COA1: variants seen among roughly 807,000 people sequenced by gnomAD.
The protein encoded by COA1 is cytochrome c oxidase assembly factor 1, also known as cytochrome c oxidase assembly factor 1 homolog.
COA1 carries 13 observed loss-of-function variants against 16.0 expected under a neutral mutation model. The ratio of observed to expected loss-of-function variants is 0.81; its 90% confidence interval spans 0.53 to 1.29. COA1 has a LOEUF of 1.29. Ranked by LOEUF, COA1 falls within the 50% of genes most tolerant of loss-of-function variation. The probability of loss-of-function intolerance (pLI) is 0.00; values close to 1 mark genes in which losing one functional copy is unlikely to be tolerated. For missense variants in COA1, 179 were observed against 177.0 expected (o/e 1.01, Z -0.06); for synonymous variants, 65 against 65.7 (o/e 0.99, Z 0.05).
At chr7:43,717,700 G>T (rs983064245) in intron 1 of COA1, among the ~76,000 whole-genome samples, 2 of 152,020 alleles carry the variant, frequency 1.3e-5, no homozygotes, top group African/African-American at 4.8e-5. Flanking sequence ...GGCCGGGGGG[G>T]GAACAATATG....
chr7:43,623,430 T>C, intron 6 of COA1: 1 of 666,378 alleles, frequency 1.5e-6, no homozygotes, highest in Non-Finnish European at 2.6e-6. Flanking sequence ...TATTAATTCA[T>C]ATTAATTTAT....
intron 1 of COA1, among the ~76,000 whole-genome samples, chr7:43,706,147 G>A (rs1585251745): frequency 6.6e-6 from 1 of 152,030 alleles, no homozygotes; most frequent in East Asian, 1.9e-4. Flanking sequence ...TTGAATAAAA[G>A]TAAAGTTTTC....
chr7:43,680,255 T>C (rs1275416560), intron 1 of COA1, among the ~76,000 whole-genome samples: 2 of 147,480 alleles, frequency 1.4e-5, no homozygotes, highest in Non-Finnish European at 3.0e-5. Flanking sequence ...CACTTGGAAG[T>C]TACCATACAG....
intron 1 of COA1, among the ~76,000 whole-genome samples, chr7:43,707,141 G>C (rs1293593788): frequency 6.6e-6 from 1 of 152,206 alleles, no homozygotes; most frequent in Non-Finnish European, 1.5e-5. Context: ...AGTGAGCCAA[G>C]ATCACGCCAC....
intron 1 of COA1, among the ~76,000 whole-genome samples, chr7:43,668,742 T>C (rs182109807): frequency 2.0e-5 from 3 of 152,284 alleles, no homozygotes; most frequent in Non-Finnish European, 2.9e-5. Context: ...TGAAAGTGAG[T>C]AGGGTGCCCA....
chr7:43,620,840 T>G (rs1430024512), intron 6 of COA1, among the ~76,000 whole-genome samples: 4 of 152,156 alleles, frequency 2.6e-5, no homozygotes, highest in Non-Finnish European at 5.9e-5. Flanking sequence ...GGAAGTCACC[T>G]AGGCTGCCAG....
intron 1 of COA1, among the ~76,000 whole-genome samples, chr7:43,723,006 C>T (rs1782797367): frequency 6.6e-6 from 1 of 152,202 alleles, no homozygotes. Context: ...CCTCCCATCT[C>T]TCCTGATAAT....
At chr7:43,628,589 T>C (rs2084856610) in intron 6 of COA1, among the ~76,000 whole-genome samples, 1 of 152,230 alleles carries the variant, frequency 6.6e-6, no homozygotes, top group Non-Finnish European at 1.5e-5. Context: ...ACTCTGGTTG[T>C]TTTTTACATC....
At chr7:43,698,437 A>G (rs1304715599) in intron 1 of COA1, among the ~76,000 whole-genome samples, 1 of 152,204 alleles carries the variant, frequency 6.6e-6, no homozygotes, top group Non-Finnish European at 1.5e-5. Context: ...AAACCTCTCA[A>G]TGCCATGGTT....
intron 1 of COA1, among the ~76,000 whole-genome samples, chr7:43,710,829 T>C (rs1200677095): frequency 6.6e-6 from 1 of 152,158 alleles, no homozygotes; most frequent in East Asian, 1.9e-4. Context: ...CTGGTATCTG[T>C]GATATTTGTT....
chr7:43,665,876 T>G (rs969560), intron 1 of COA1, among the ~76,000 whole-genome samples: 107,722 of 152,092 alleles, frequency 0.71, 38,643 homozygotes, highest in African/African-American at 0.84. Flanking sequence ...CACACGTGGG[T>G]ATTACAATTC....
At chr7:43,648,571 G>GCCCT in intron 2 of COA1, 29 bp downstream of exon 2, 1 of 1,612,912 alleles carries the variant, frequency 6.2e-7, no homozygotes, top group East Asian at 2.2e-5. Context: ...GGTTCTAGTG[G>GCCCT]GGAACTTGGC....
intron 1 of COA1, among the ~76,000 whole-genome samples, chr7:43,663,053 T>C (rs1027415798): frequency 5.3e-5 from 8 of 152,290 alleles, no homozygotes; most frequent in African/African-American, 1.9e-4. Context: ...GACTGGATGA[T>C]TGGGGTGGAT....
At chr7:43,626,125 C>T (rs1434426099) in intron 6 of COA1, 2 of 152,174 alleles carry the variant, frequency 1.3e-5, no homozygotes, top group Non-Finnish European at 2.9e-5. Context: ...TTGCCTATCA[C>T]CTGTGTGCTG....
At chr7:43,641,997 T>G (rs1185644028) in intron 4 of COA1, 1 of 152,044 alleles carries the variant, frequency 6.6e-6, no homozygotes, top group Non-Finnish European at 1.5e-5. Context: ...GGGGAGGGAA[T>G]TGGGGCGGGG....
At chr7:43,710,834 T>C (rs562519392) in intron 1 of COA1, among the ~76,000 whole-genome samples, 1 of 152,336 alleles carries the variant, frequency 6.6e-6, no homozygotes, top group African/African-American at 2.4e-5. Flanking sequence ...ATCTGTGATA[T>C]TTGTTTCACA....
chr7:43,691,412 GAAGAAAGAAA>G (rs1404977659), intron 1 of COA1, among the ~76,000 whole-genome samples: 8 of 88,626 alleles, frequency 9.0e-5, no homozygotes, highest in Admixed American at 2.5e-4. Context: ...AGGAAGGAAG[GAAGAAAGAAA>G]AAGAAAGAAA....
chr7:43,688,663 T>A (rs551243044), intron 1 of COA1, among the ~76,000 whole-genome samples: 1 of 152,242 alleles, frequency 6.6e-6, no homozygotes, highest in Non-Finnish European at 1.5e-5. Flanking sequence ...ATATAGTCAG[T>A]CCAGTGTATA....
chr7:43,610,653 C>T (rs1315034789), intron 6 of COA1, among the ~76,000 whole-genome samples: 2 of 151,758 alleles, frequency 1.3e-5, no homozygotes, highest in East Asian at 2.0e-4. Context: ...GGCAACAGAG[C>T]GAGACTTCGT....
Sources: allele counts gnomAD v4.1 joint callset (sites outside exome capture counted in the v4.1 genomes callset), GRCh38; gene constraint gnomAD v4.1.1; transcripts MANE v1.5; gene names NCBI Gene and HGNC (gene_info 2026-07-23, HGNC 2026-07-21).